The following HS3ST4 variants were observed in gnomAD, a reference collection of about 807,000 sequenced individuals.
The protein encoded by HS3ST4 is heparan sulfate-glucosamine 3-sulfotransferase 4.
A neutral mutation model predicts 29.2 loss-of-function variants in HS3ST4; 17 were observed. The ratio of observed to expected loss-of-function variants is 0.58; its 90% CI spans 0.40 to 0.87. The LOEUF (loss-of-function observed/expected upper bound fraction) is 0.87, where lower values mean the gene tolerates loss of function less well. Among genes scored for constraint, HS3ST4 ranks in the 40% least tolerant of loss-of-function variants. The probability of loss-of-function intolerance (pLI) is 0.00; values close to 1 mark genes in which losing one functional copy is unlikely to be tolerated. For synonymous variants in HS3ST4, 314 were observed against 285.7 expected, an observed-to-expected ratio of 1.10 and a Z score of -1.00; for missense variants, 627 against 634.5, an observed-to-expected ratio of 0.99 and a Z score of 0.13.
At chr16:25,778,495 G>A (rs1374769051) in intron 1 of HS3ST4, among the ~76,000 whole-genome samples, 2 of 152,220 alleles carry the variant, frequency 1.3e-5, no homozygotes, top group Non-Finnish European at 2.9e-5. Context: ...TGGCTAATTT[G>A]ATGTCAGCTT....
At chr16:26,119,395 T>C (rs776112611) in intron 1 of HS3ST4, among the ~76,000 whole-genome samples, 1 of 152,194 alleles carries the variant, frequency 6.6e-6, no homozygotes, top group Non-Finnish European at 1.5e-5. Flanking sequence ...GAATATGTTT[T>C]AGAAATAGAG....
At position 26,012,446 on chromosome 16, in the gene HS3ST4, A is replaced by G. The variant is rs559463406; in HGVS notation, c.735-123166A>G. Among the ~76,000 whole-genome samples, 353 of 152,322 alleles carry G rather than the reference A, an allele frequency of 2.3e-3. 3 individuals carry two copies. Among genetic ancestry groups the G allele is most frequent in the African/African-American group, 8.3e-3 (344 of 41,576 alleles). On this transcript the variant is annotated intron_variant, in intron 1 of 1. Transcript: ENST00000331351. Reference sequence around the variant, plus strand: ...GAGCCTCTTCTATGTGGAACTGAAGATTTCCTGAAATTTGTAATTCTGCTT... The same window carrying G: ...GAGCCTCTTCTATGTGGAACTGAAGGTTTCCTGAAATTTGTAATTCTGCTT...
At chr16:25,836,558 A>G (rs1341215907) in intron 1 of HS3ST4, among the ~76,000 whole-genome samples, 2 of 152,236 alleles carry the variant, frequency 1.3e-5, no homozygotes, top group Non-Finnish European at 2.9e-5. Flanking sequence ...TCTGCTATTT[A>G]GGGGAATGTT....
At chr16:26,000,461 C>CGTTT (rs1969202977) in intron 1 of HS3ST4, among the ~76,000 whole-genome samples, 1 of 152,092 alleles carries the variant, frequency 6.6e-6, no homozygotes, top group South Asian at 2.1e-4. Flanking sequence ...ACTTGGAATA[C>CGTTT]GTATGTATCC....
chr16:25,907,856 A>G (rs1420210914), intron 1 of HS3ST4, among the ~76,000 whole-genome samples: 2 of 152,256 alleles, frequency 1.3e-5, no homozygotes, highest in Non-Finnish European at 2.9e-5. Flanking sequence ...ATCAGCCAAA[A>G]GGACATGACT....
At chr16:25,844,578 A>G (rs996759745) in intron 1 of HS3ST4, among the ~76,000 whole-genome samples, 3 of 152,194 alleles carry the variant, frequency 2.0e-5, no homozygotes, top group Admixed American at 1.3e-4. Flanking sequence ...CACACACACA[A>G]TAGGAACGCT....
intron 1 of HS3ST4, among the ~76,000 whole-genome samples, chr16:25,751,765 C>T (rs1966722008): frequency 1.3e-5 from 2 of 152,100 alleles, no homozygotes; most frequent in Non-Finnish European, 2.9e-5. Context: ...TTTTCCACTG[C>T]TATTTGGCTT....
chr16:25,773,163 T>G (rs1321976431), intron 1 of HS3ST4, among the ~76,000 whole-genome samples: 4 of 152,224 alleles, frequency 2.6e-5, no homozygotes, highest in South Asian at 2.1e-4. Flanking sequence ...GTCTGGTTCC[T>G]TATCTACCCA....
intron 1 of HS3ST4, among the ~76,000 whole-genome samples, chr16:26,065,165 C>T (rs1264642083): frequency 6.6e-6 from 1 of 152,164 alleles, no homozygotes; most frequent in Admixed American, 6.5e-5. Flanking sequence ...TATAAAGACA[C>T]ATGCATGCAT....
chr16:25,793,865 C>T (rs1393327244), intron 1 of HS3ST4, among the ~76,000 whole-genome samples: 3 of 151,862 alleles, frequency 2.0e-5, no homozygotes, highest in African/African-American at 7.2e-5. Flanking sequence ...TTTGGTTAAA[C>T]ATTTTTTATT....
At position 25,692,696 on chromosome 16, in the gene HS3ST4, C is replaced by A. The variant is rs1966263082; in HGVS notation, c.279C>A (p.Ala93=). The change falls in exon 1 of 2, where the codon GCC becomes GCA. Residue 93 remains alanine, a synonymous_variant. Coordinates refer to ENST00000331351, the MANE Select transcript of HS3ST4 (RefSeq NM_006040.3). ...SLLPTPVRLG[A]PSQPPAPPPL... ...TGCCTACCCCCGTGCGCCTCGGCGC[C>A]CCCTCGCAGCCGCCCGCGCCGCCGC... 3.3e-6 allele frequency: 4 copies of A among 1,226,066 alleles called. No individual in the cohort carries two copies. The highest frequency in any genetic ancestry group is 1.6e-5 in the African/African-American group (1 of 62,480). 75.9% of individuals were successfully genotyped at this position (1,226,066 alleles called of 1,614,324 possible). A position where few individuals can be genotyped will look rare whatever the true frequency, so the allele number is the denominator to read the frequency against.
At chr16:25,715,971 G>A (rs187527465) in intron 1 of HS3ST4, among the ~76,000 whole-genome samples, 49 of 152,332 alleles carry the variant, frequency 3.2e-4, no homozygotes, top group African/African-American at 1.1e-3. Context: ...CTCTTCCATC[G>A]TGGCAGGGAA....
chr16:25,822,020 G>T (rs1036045471), intron 1 of HS3ST4, among the ~76,000 whole-genome samples: 3 of 152,128 alleles, frequency 2.0e-5, no homozygotes, highest in Non-Finnish European at 2.9e-5. Flanking sequence ...TACTTGTCTT[G>T]TTTTTCATCC....
chr16:25,693,026 C>G lies in HS3ST4; in HGVS notation c.609C>G (p.Ile203Met). ...AGAAGCTGCCACAGGCGCTCATCAT[C>G]GGGGTCAAGAAAGGAGGGACCCGCG... is the stretch of plus-strand genomic sequence containing the variant. ...GEKKLPQALIIGVKKGGTRAL... is the reference protein window; with the variant it reads ...GEKKLPQALIMGVKKGGTRAL... Residue 203 changes from isoleucine to methionine, a missense_variant, in exon 1 of 2, where the codon ATC becomes ATG. Around this residue, in one of 2 missense-constraint regions of HS3ST4, gnomAD observed 402 missense variants for 340.8 expected, o/e 1.18. Transcript: ENST00000331351. 6.2e-7 allele frequency: 1 copy of G among 1,611,364 alleles called. No homozygotes were observed. Among genetic ancestry groups the G allele is most frequent in the Non-Finnish European group, 8.5e-7 (1 of 1,179,108 alleles).
chr16:25,941,517 CTTT>C (rs1413988314), intron 1 of HS3ST4, among the ~76,000 whole-genome samples: 1 of 151,108 alleles, frequency 6.6e-6, no homozygotes, highest in African/African-American at 2.4e-5. Context: ...TTGTGAACTT[CTTT>C]ATTTTCTTTT....
intron 1 of HS3ST4, chr16:26,032,600 T>C (rs1390263450): frequency 3.6e-6 from 5 of 1,379,428 alleles, no homozygotes; most frequent in Non-Finnish European, 5.1e-6. Flanking sequence ...ATCTCCATTT[T>C]CTGCAGGGTT....
intron 1 of HS3ST4, among the ~76,000 whole-genome samples, chr16:25,869,701 T>A (rs1281348216): frequency 6.6e-6 from 1 of 152,092 alleles, no homozygotes; most frequent in East Asian, 1.9e-4. Flanking sequence ...CATATGATCC[T>A]CCCAGAAACT....
chr16:25,907,807 G>C (rs1968194363), intron 1 of HS3ST4, among the ~76,000 whole-genome samples: 1 of 152,188 alleles, frequency 6.6e-6, no homozygotes, highest in Non-Finnish European at 1.5e-5. Flanking sequence ...ACAGAACCTG[G>C]AAGAAAGACT....
At chr16:26,106,377 C>A (rs1047249235) in intron 1 of HS3ST4, among the ~76,000 whole-genome samples, 3 of 152,148 alleles carry the variant, frequency 2.0e-5, no homozygotes, top group African/African-American at 4.8e-5. Flanking sequence ...TACTTTATGC[C>A]TTCAAAGGAA....
Sources: gnomAD v4.1 joint callset for allele counts (sites outside exome capture counted in the v4.1 genomes callset) on GRCh38, gnomAD v4.1.1 for gene constraint, gnomAD v4.1.1 regional missense constraint, MANE v1.5 for transcripts, NCBI Gene and HGNC (gene_info 2026-07-23, HGNC 2026-07-21) for gene names.